CBFA2T3: variants seen among roughly 807,000 people sequenced by gnomAD.
CBFA2T3 encodes CBFA2/RUNX1 partner transcriptional co-repressor 3, also known as transcriptional corepressor CBFA2T3.
CBFA2T3 carries 31 observed loss-of-function variants against 58.6 expected under a neutral mutation model. The ratio of observed to expected loss-of-function variants is 0.53; its 90% CI spans 0.40 to 0.71. The LOEUF is 0.71. Ranked by LOEUF, CBFA2T3 falls within the 30% of genes least tolerant of loss-of-function variation. CBFA2T3 has a pLI of 0.00. For missense variants in CBFA2T3, 1,076 were observed against 963.1 expected, an observed-to-expected ratio of 1.12 and a Z score of -1.55; for synonymous variants, 531 against 421.9, an observed-to-expected ratio of 1.26 and a Z score of -3.17.
intron 1 of CBFA2T3, among the ~76,000 whole-genome samples, chr16:88,928,607 A>G (rs1238257069): frequency 6.6e-6 from 1 of 152,230 alleles, no homozygotes; most frequent in African/African-American, 2.4e-5. Context: ...GTCACCCGCC[A>G]GGTGGGGTAT....
intron 1 of CBFA2T3, among the ~76,000 whole-genome samples, chr16:88,947,656 G>A (rs980528358): frequency 4.6e-5 from 7 of 152,222 alleles, no homozygotes; most frequent in African/African-American, 1.7e-4. Context: ...GCTCACACCT[G>A]TAATCCCAAT....
intron 1 of CBFA2T3, among the ~76,000 whole-genome samples, chr16:88,923,786 C>T (rs982768914): frequency 7.9e-5 from 12 of 152,318 alleles, no homozygotes; most frequent in African/African-American, 1.4e-4. Context: ...ACACCGGCAC[C>T]GTCTAGGTTG....
chr16:88,932,414 C>T (rs966440122), intron 1 of CBFA2T3, among the ~76,000 whole-genome samples: 2 of 151,852 alleles, frequency 1.3e-5, no homozygotes, highest in Non-Finnish European at 2.9e-5. Flanking sequence ...GTGGGAGGAT[C>T]GTTTGAGCCC....
chr16:88,923,361 A>G (rs567172951), intron 1 of CBFA2T3, among the ~76,000 whole-genome samples: 1 of 152,262 alleles, frequency 6.6e-6, no homozygotes, highest in Admixed American at 6.5e-5. Flanking sequence ...GCAGGCCACC[A>G]GGCTGAGCTG....
chr16:88,919,967 C>T (rs1409051329), intron 1 of CBFA2T3, among the ~76,000 whole-genome samples: 2 of 152,258 alleles, frequency 1.3e-5, no homozygotes, highest in African/African-American at 4.8e-5. Context: ...TTTACAAGTG[C>T]AGGCATACAG....
intron 1 of CBFA2T3, among the ~76,000 whole-genome samples, chr16:88,916,890 G>A (rs982014787): frequency 6.6e-6 from 1 of 151,972 alleles, no homozygotes; most frequent in Non-Finnish European, 1.5e-5. Flanking sequence ...ACAGAGGGGA[G>A]GGCAGGGTCT....
intron 1 of CBFA2T3, chr16:88,941,282 C>G (rs1489909479): frequency 1.7e-6 from 1 of 579,968 alleles, no homozygotes; most frequent in East Asian, 1.4e-4. Flanking sequence ...CTCCGGCCTC[C>G]GCGGCCCGCG....
intron 1 of CBFA2T3, among the ~76,000 whole-genome samples, chr16:88,921,340 G>A (rs1054629475): frequency 1.3e-5 from 2 of 152,222 alleles, no homozygotes; most frequent in African/African-American, 4.8e-5. Flanking sequence ...GATGGGCGGG[G>A]GGAGCAGGGA....
In CBFA2T3 at chr16:88,881,438, C is replaced by T. The variant is rs1969074806; in HGVS notation, c.1255G>A (p.Val419Met). The T allele has an allele frequency of 1.9e-6, 3 of 1,609,778 alleles. No individual in the cohort carries two copies. The highest frequency in any genetic ancestry group is 1.7e-5 in the Admixed American group (1 of 59,886). Reference sequence around the variant, plus strand: ...TCGGCCTCCTGGCACCTGCGCAGCACCGTGAGCGAGCGCCGCGTCTTCTCC... The same window carrying T: ...TCGGCCTCCTGGCACCTGCGCAGCATCGTGAGCGAGCGCCGCGTCTTCTCC... The part of the protein sequence containing the change: ...MVEKTRRSLT[V>M]LRRCQEADRE... Residue 419 changes from valine (V) to methionine (M), a missense_variant, in exon 9 of 12, where the codon GTG becomes ATG. Transcript: ENST00000268679.
intron 1 of CBFA2T3, among the ~76,000 whole-genome samples, chr16:88,908,719 G>A (rs962376360): frequency 5.3e-5 from 8 of 152,242 alleles, no homozygotes; most frequent in Non-Finnish European, 1.0e-4. Context: ...GCCAGCTCTG[G>A]AGTAACAAGC....
At chr16:88,887,855 G>A (rs1969443991) in intron 5 of CBFA2T3, among the ~76,000 whole-genome samples, 1 of 152,174 alleles carries the variant, frequency 6.6e-6, no homozygotes, top group Non-Finnish European at 1.5e-5. Context: ...TGGGCGCTCA[G>A]GCTGGGGAAC....
chr16:88,910,510 C>T (rs890048748), intron 1 of CBFA2T3, among the ~76,000 whole-genome samples: 1 of 152,250 alleles, frequency 6.6e-6, no homozygotes, highest in Non-Finnish European at 1.5e-5. Flanking sequence ...CCACTGAGGA[C>T]CGGACACTCC....
rs553026796 is a variant in CBFA2T3, at chr16:88,927,069, G to A, written c.152-25413C>T. 2.6e-5 allele frequency among the ~76,000 whole-genome samples: 4 copies of A among 152,278 alleles called. No individual in the cohort carries two copies. The East Asian group carries it at 7.7e-4, about 29-fold the overall frequency. On this transcript the variant is annotated intron_variant, in intron 1 of 11. Coordinates refer to ENST00000268679, the MANE Select transcript of CBFA2T3 (RefSeq NM_005187.6). ...CAGAGAAGCCAGTGTCAACCCCCAC[G>A]GCCCTTGGTGGGGCAACATCATCGC...
intron 1 of CBFA2T3, among the ~76,000 whole-genome samples, chr16:88,969,294 C>A (rs927435608): frequency 2.6e-5 from 4 of 152,208 alleles, no homozygotes; most frequent in African/African-American, 9.7e-5. Flanking sequence ...CTTGGGAGCT[C>A]AGGAGGAAGC....
intron 1 of CBFA2T3, among the ~76,000 whole-genome samples, chr16:88,928,760 G>A (rs1286945933): frequency 3.3e-5 from 5 of 152,358 alleles, no homozygotes; most frequent in East Asian, 3.9e-4. Flanking sequence ...GTACGAGACC[G>A]AGGCTGGGAG....
chr16:88,975,988 C>CCTGCAG (rs1010022084), intron 1 of CBFA2T3, among the ~76,000 whole-genome samples: 1 of 152,234 alleles, frequency 6.6e-6, no homozygotes, highest in African/African-American at 2.4e-5. Context: ...GGGCCACCAG[C>CCTGCAG]CTGCAGCTGC....
chr16:88,960,449 T>C (rs144732242), intron 1 of CBFA2T3, among the ~76,000 whole-genome samples: 98 of 152,358 alleles, frequency 6.4e-4, no homozygotes, highest in Non-Finnish European at 1.1e-3. Context: ...ATTTGAACAC[T>C]ATTGATTTGT....
intron 1 of CBFA2T3, among the ~76,000 whole-genome samples, chr16:88,914,053 C>G (rs1022071405): frequency 1.3e-5 from 2 of 152,214 alleles, no homozygotes; most frequent in African/African-American, 4.8e-5. Context: ...GGCTGCAGCA[C>G]GGCCATACAA....
chr16:88,952,945 AGGGCCTGTGTCG>A (rs1972117261), intron 1 of CBFA2T3, among the ~76,000 whole-genome samples: 1 of 138,252 alleles, frequency 7.2e-6, no homozygotes, highest in Non-Finnish European at 1.5e-5. Flanking sequence ...ACCCCCACGC[AGGGCCTGTGTCG>A]AGACGGCATG....
Sources: gnomAD v4.1 joint callset for allele counts (sites outside exome capture counted in the v4.1 genomes callset) on GRCh38, gnomAD v4.1.1 for gene constraint, MANE v1.5 for transcripts, NCBI Gene and HGNC (gene_info 2026-07-23, HGNC 2026-07-21) for gene names.